Variants in LRIG1 observed in about 807,000 individuals in gnomAD.
The protein encoded by LRIG1 is leucine rich repeats and immunoglobulin like domains 1, also known as leucine-rich repeats and immunoglobulin-like domains protein 1.
Under a neutral mutation model 99.2 loss-of-function variants are expected in LRIG1, and 48 were observed. That is an observed-to-expected ratio of 0.48 (90% CI 0.38 to 0.62). The LOEUF (loss-of-function observed/expected upper bound fraction) is 0.62. Among genes scored for constraint, LRIG1 ranks in the 20% least tolerant of loss-of-function variants. The pLI, the probability that LRIG1 is intolerant of heterozygous loss-of-function variation, is 0.00. For missense variants in LRIG1, 1,646 were observed against 1,434.4 expected (o/e 1.15, Z -2.38); for synonymous variants, 772 against 596.1 (o/e 1.29, Z -4.30).
At chr3:66,494,425 C>T (rs922600092) in intron 1 of LRIG1, among the ~76,000 whole-genome samples, 7 of 152,204 alleles carry the variant, frequency 4.6e-5, no homozygotes. Flanking sequence ...CTAGCCCATT[C>T]TCTCCCCCAG....
intron 2 of LRIG1, among the ~76,000 whole-genome samples, chr3:66,460,720 T>C (rs1354938076): frequency 6.6e-6 from 1 of 152,240 alleles, no homozygotes; most frequent in Non-Finnish European, 1.5e-5. Context: ...TTGTTTGTTA[T>C]GGCAGCAGCC....
At chr3:66,441,464 TGAGA>T (rs1182454339) in intron 3 of LRIG1, among the ~76,000 whole-genome samples, 2 of 151,832 alleles carry the variant, frequency 1.3e-5, no homozygotes, top group Admixed American at 6.6e-5. Flanking sequence ...TGAATTGACA[TGAGA>T]GAGAGAGACA....
At chr3:66,391,020 GAT>G (rs60541932) in intron 12 of LRIG1, among the ~76,000 whole-genome samples, 45,314 of 151,096 alleles carry the variant, frequency 0.3, 7,755 homozygotes, top group African/African-American at 0.47. Context: ...TTCCAAAGAA[GAT>G]ATATATATAT....
chr3:66,421,832 C>A (rs1702824071), intron 3 of LRIG1, among the ~76,000 whole-genome samples: 1 of 152,254 alleles, frequency 6.6e-6, no homozygotes, highest in Non-Finnish European at 1.5e-5. Flanking sequence ...AGGGCCCCGC[C>A]CCTGCAGCAA....
intron 1 of LRIG1, among the ~76,000 whole-genome samples, chr3:66,496,526 G>A (rs114975969): frequency 0.018 from 2,687 of 152,286 alleles, 31 homozygotes; most frequent in Non-Finnish European, 0.031. Flanking sequence ...AGGACTCTGA[G>A]CTCAAGCTAA....
At chr3:66,479,145 C>G (rs1011079324) in intron 1 of LRIG1, among the ~76,000 whole-genome samples, 7 of 152,236 alleles carry the variant, frequency 4.6e-5, no homozygotes, top group African/African-American at 1.7e-4. Context: ...TGCACTTGGA[C>G]AGCCTCAATA....
intron 16 of LRIG1, among the ~76,000 whole-genome samples, chr3:66,382,028 C>CTT (rs1421522583): frequency 6.6e-6 from 1 of 152,236 alleles, no homozygotes; most frequent in East Asian, 1.9e-4. Context: ...GGCAAGCCTA[C>CTT]TTTATCCTGC....
At chr3:66,494,335 A>G (rs1242512745) in intron 1 of LRIG1, among the ~76,000 whole-genome samples, 1 of 152,150 alleles carries the variant, frequency 6.6e-6, no homozygotes. Flanking sequence ...CTCCTTAATG[A>G]CGAGTGTGAG....
In LRIG1 at chr3:66,405,924, C is replaced by T. The variant is rs556730882; in HGVS notation, c.1080-646G>A. On this transcript the variant is annotated intron_variant, in intron 8 of 18. Transcript: ENST00000273261. ...CCTCCAACAATGCAAATCCCATGGC[C>T]GATGACTCAATGGCTTCCCAGCTTC... is the stretch of plus-strand genomic sequence containing the variant. The T allele has an allele frequency of 9.3e-5, 93 of 1,003,212 alleles. No individual in the cohort carries two copies. In the African/African-American group the frequency reaches 1.4e-3, roughly 16 times the overall value. 62.1% of individuals were successfully genotyped at this position (1,003,212 alleles called of 1,614,324 possible). A position where few individuals can be genotyped will look rare whatever the true frequency, so the allele number is the denominator to read the frequency against.
intron 3 of LRIG1, 126 bp from the exon 4 acceptor site, chr3:66,417,392 TCTC>T: frequency 1.0e-6 from 1 of 966,724 alleles, no homozygotes; most frequent in Non-Finnish European, 1.5e-6. Context: ...AAAAATGAGA[TCTC>T]CTGTTTCTTT....
intron 1 of LRIG1, among the ~76,000 whole-genome samples, chr3:66,478,077 C>T (rs1700763541): frequency 6.6e-6 from 1 of 152,186 alleles, no homozygotes; most frequent in African/African-American, 2.4e-5. Flanking sequence ...ACACATTAAC[C>T]ACAGCACATC....
At chr3:66,426,453 T>C (rs913587733) in intron 3 of LRIG1, among the ~76,000 whole-genome samples, 3 of 152,194 alleles carry the variant, frequency 2.0e-5, no homozygotes, top group African/African-American at 7.2e-5. Context: ...CTTGCTGTCA[T>C]GCAATTTTGG....
chr3:66,381,318 G>C (rs917938713), intron 17 of LRIG1, among the ~76,000 whole-genome samples, 161 bp downstream of exon 17: 1 of 151,922 alleles, frequency 6.6e-6, no homozygotes, highest in African/African-American at 2.4e-5. Context: ...AACTATCCTG[G>C]AATTAAGAGA....
chr3:66,487,311 C>G (rs1217905124), intron 1 of LRIG1, among the ~76,000 whole-genome samples: 1 of 152,166 alleles, frequency 6.6e-6, no homozygotes, highest in Non-Finnish European at 1.5e-5. Flanking sequence ...AACAGACCCT[C>G]AGCACAAAGA....
intron 1 of LRIG1, among the ~76,000 whole-genome samples, chr3:66,491,103 T>C (rs934689878): frequency 3.4e-5 from 5 of 145,762 alleles, no homozygotes; most frequent in Admixed American, 2.7e-4. Context: ...AACCTAGTTC[T>C]TTGCTTTTTG....
chr3:66,399,650 C>T (rs370663662), intron 9 of LRIG1, among the ~76,000 whole-genome samples: 3 of 152,114 alleles, frequency 2.0e-5, no homozygotes, highest in East Asian at 1.9e-4. Flanking sequence ...CACCAGTAGT[C>T]GTAGCTACTT....
At chr3:66,390,076 A>G (rs936733646) in intron 12 of LRIG1, among the ~76,000 whole-genome samples, 1 of 152,014 alleles carries the variant, frequency 6.6e-6, no homozygotes, top group East Asian at 1.9e-4. Flanking sequence ...TCCCACCAAA[A>G]CTCTCACAAA....
rs139455882 is a variant in LRIG1 at position 66,381,582 on chromosome 3, G to A, written c.2667C>T (p.Ser889=). ...AGAGCTTTGGCTGCCTGCAGGCAAC[G>A]CTGTGAGTGTCGGGCTCTGGAAAGT... ...ASHFPEPDTH[S]VACRQPKLCA... is the part of the protein sequence containing the mutation. The change falls in exon 17 of 19, where the codon AGC becomes AGT. Residue 889 remains serine, a synonymous_variant. Transcript: ENST00000273261. 71 of 1,613,950 alleles carry A rather than the reference G, an allele frequency of 4.4e-5. No individual in the cohort carries two copies. Among genetic ancestry groups the A allele is most frequent in the East Asian group, 6.7e-5 (3 of 44,890 alleles).
At chr3:66,410,374 C>A in intron 6 of LRIG1, 102 bp from the exon 7 acceptor site, 1 of 1,164,620 alleles carries the variant, frequency 8.6e-7, no homozygotes, top group Non-Finnish European at 1.2e-6. Context: ...GCGGTCACAC[C>A]AAGGCTAGAA....
Sources: allele counts gnomAD v4.1 joint callset (sites outside exome capture counted in the v4.1 genomes callset), GRCh38; gene constraint gnomAD v4.1.1; transcripts MANE v1.5; gene names NCBI Gene and HGNC (gene_info 2026-07-23, HGNC 2026-07-21).